METTL8: variants seen among roughly 807,000 people sequenced by gnomAD.
METTL8 encodes the protein tRNA N(3)-cytidine methyltransferase METTL8, mitochondrial.
A neutral mutation model predicts 48.7 loss-of-function variants in METTL8; 32 were observed. The ratio of observed to expected loss-of-function variants is 0.66; its 90% CI spans 0.50 to 0.88. The LOEUF is 0.88. Among genes scored for constraint, METTL8 ranks in the 40% least tolerant of loss-of-function variants. The pLI, the probability that METTL8 is intolerant of heterozygous loss-of-function variation, is 0.00. For missense variants in METTL8, 464 were observed against 474.4 expected (o/e 0.98, Z 0.20); for synonymous variants, 136 against 157.1 (o/e 0.87, Z 1.01).
Position 171,392,233 on chromosome 2 carries a change from A to T in METTL8, c.-12-36T>A, listed in dbSNP as rs1228241477. 2.0e-6 allele frequency: 3 copies of T among 1,521,276 alleles called. No homozygotes were observed. The South Asian group carries it at 3.6e-5, about 18-fold the overall frequency. 94.2% of individuals were successfully genotyped at this position (1,521,276 alleles called of 1,614,324 possible). A position where few individuals can be genotyped will look rare whatever the true frequency, so the allele number is the denominator to read the frequency against. On this transcript the variant is annotated intron_variant, in intron 1 of 9. Coordinates refer to ENST00000375258, the MANE Select transcript of METTL8 (RefSeq NM_001321154.2). ...ACAAATGATTAATTAGTCAACATAG[A>T]TTAAACAGTGTATTGTTTATCTAAT...
chr2:171,339,326 T>C lies in METTL8; in HGVS notation c.464A>G (p.His155Arg). Reference protein sequence around the residue: ...HCPTVPDEKNHYEKSSGSSEG... With the variant: ...HCPTVPDEKNRYEKSSGSSEG... ...TGAAGAACCAGAACTTTTCTCATAA[T>C]GATTTTTTTCATCAGGCACAGTAGG... Residue 155 changes from histidine (H) to arginine (R), a missense_variant, in exon 4 of 10, where the codon CAT becomes CGT. Physicochemically the swap from His to Arg is conservative, Grantham distance 29 (BLOSUM62 0). Coordinates refer to ENST00000375258, the MANE Select transcript of METTL8 (RefSeq NM_001321154.2). 1.9e-6 allele frequency: 3 copies of C among 1,612,964 alleles called. No homozygotes were observed. The highest frequency in any genetic ancestry group is 1.3e-5 in the African/African-American group (1 of 75,018).
Position 171,317,374 on chromosome 2 carries a change from G to A in METTL8, c.*6798C>T, listed in dbSNP as rs1397941378. 1 of 152,184 alleles carries A rather than the reference G, an allele frequency of 6.6e-6. No homozygotes were observed. The highest frequency in any genetic ancestry group is 1.5e-5 in the Non-Finnish European group (1 of 68,026). 9.4% of individuals were successfully genotyped at this position (152,184 alleles called of 1,614,324 possible). ...CATTTTTCTGGACCAAACCTCATCAGCCCAACTAGGAAAGACGATGCTGGA... is the reference window on the plus strand; with the variant it reads ...CATTTTTCTGGACCAAACCTCATCAACCCAACTAGGAAAGACGATGCTGGA... On this transcript the variant is annotated 3_prime_UTR_variant, in exon 10 of 10. Coordinates refer to ENST00000375258, the MANE Select transcript of METTL8 (RefSeq NM_001321154.2).
intron 1 of METTL8, among the ~76,000 whole-genome samples, chr2:171,432,180 C>T (rs1167394727): frequency 6.6e-6 from 1 of 152,074 alleles, no homozygotes; most frequent in Non-Finnish European, 1.5e-5. Flanking sequence ...CGAGCAAGGC[C>T]TGGGTAGGTC....
intron 1 of METTL8, among the ~76,000 whole-genome samples, chr2:171,404,823 C>T (rs956763878): frequency 4.6e-5 from 7 of 152,096 alleles, no homozygotes; most frequent in African/African-American, 1.7e-4. Flanking sequence ...GAGAACCACT[C>T]AGATACAGAA....
upstream of METTL8, chr2:171,434,060 C>T (rs1693528508): frequency 3.4e-6 from 1 of 294,668 alleles, no homozygotes; most frequent in Non-Finnish European, 6.6e-6. Flanking sequence ...GAGGCGGCAG[C>T]ACCGCGCCCC....
intron 1 of METTL8, among the ~76,000 whole-genome samples, chr2:171,396,636 G>A (rs1029226474): frequency 1.3e-5 from 2 of 152,080 alleles, no homozygotes; most frequent in Non-Finnish European, 2.9e-5. Context: ...ATTTCCAAAT[G>A]TTAAGGAATT....
chr2:171,329,993 C>G (rs1685350819), intron 7 of METTL8, among the ~76,000 whole-genome samples: 2 of 152,184 alleles, frequency 1.3e-5, no homozygotes, highest in African/African-American at 4.8e-5. Context: ...AGTTTTAAAA[C>G]ACTGTATGAA....
chr2:171,377,583 T>C (rs1415050951), intron 2 of METTL8, among the ~76,000 whole-genome samples: 3 of 152,028 alleles, frequency 2.0e-5, no homozygotes, highest in East Asian at 1.9e-4. Context: ...AGGACATGAA[T>C]AGGCAATTCT....
At chr2:171,381,444 G>T (rs1158246351) in intron 2 of METTL8, among the ~76,000 whole-genome samples, 1 of 152,096 alleles carries the variant, frequency 6.6e-6, no homozygotes, top group Non-Finnish European at 1.5e-5. Flanking sequence ...CACAGCCAAA[G>T]AAATTAGCAT....
At chr2:171,358,353 G>GAAA (rs750007486) in intron 3 of METTL8, among the ~76,000 whole-genome samples, 4 of 57,070 alleles carry the variant, frequency 7.0e-5, no homozygotes. Flanking sequence ...TCCGTCTCCA[G>GAAA]AAAAAAAAAA....
chr2:171,417,545 T>C (rs1691437864), intron 1 of METTL8, among the ~76,000 whole-genome samples: 1 of 152,194 alleles, frequency 6.6e-6, no homozygotes, highest in Non-Finnish European at 1.5e-5. Flanking sequence ...ACAGAGAAGT[T>C]AAGTAGTTCT....
chr2:171,317,593 T>C lies in METTL8; in HGVS notation c.*6579A>G, dbSNP rs1684321281. 6.6e-6 allele frequency: 1 copy of C among 152,230 alleles called. No individual in the cohort carries two copies. The highest frequency in any genetic ancestry group is 2.4e-5 in the African/African-American group (1 of 41,448). The allele number at this position is 152,230 out of a possible 1,614,324, so 9.4% of individuals were successfully genotyped here. A position where few individuals can be genotyped will look rare whatever the true frequency, so the allele number is the denominator to read the frequency against. On this transcript the variant is annotated 3_prime_UTR_variant, in exon 10 of 10. Coordinates refer to ENST00000375258, the MANE Select transcript of METTL8 (RefSeq NM_001321154.2). ...GAAGTCTATGTGCTCAAGTATTGCT[T>C]TTTTTCCCTCTTTATGTAACGTTAA... is the stretch of plus-strand genomic sequence containing the variant.
In METTL8 at chr2:171,330,707, A is replaced by G; in HGVS notation, c.721-9T>C. 1.3e-6 allele frequency: 2 copies of G among 1,599,432 alleles called. No individual in the cohort carries two copies. The highest frequency in any genetic ancestry group is 1.7e-6 in the Non-Finnish European group (2 of 1,175,560). On this transcript the variant is annotated splice_polypyrimidine_tract_variant and intron_variant, in intron 6 of 9. Transcript: ENST00000375258. ...CTGTAGGACGAGTGTGACTGTCATG[A>G]TAAAGGAACAGAAAGCAAAAAGAGG...
chr2:171,326,251 C>A, intron 7 of METTL8, 103 bp from the exon 8 acceptor site: 7 of 632,868 alleles, frequency 1.1e-5, no homozygotes, highest in South Asian at 2.2e-5. Context: ...CTTGATAAGG[C>A]CAAAGAAATC....
At chr2:171,367,316 C>T (rs1685829023) in intron 2 of METTL8, among the ~76,000 whole-genome samples, 1 of 152,048 alleles carries the variant, frequency 6.6e-6, no homozygotes, top group Non-Finnish European at 1.5e-5. Flanking sequence ...ATGCAAACTA[C>T]AGCTGATTTC....
chr2:171,344,885 T>C (rs1485989159), intron 3 of METTL8, among the ~76,000 whole-genome samples: 1 of 152,206 alleles, frequency 6.6e-6, no homozygotes, highest in African/African-American at 2.4e-5. Flanking sequence ...TGCAAGAGTA[T>C]CTGTGTTAAC....
At chr2:171,419,828 AT>A (rs917959222) in intron 1 of METTL8, among the ~76,000 whole-genome samples, 7 of 152,060 alleles carry the variant, frequency 4.6e-5, no homozygotes, top group African/African-American at 1.7e-4. Context: ...ACCCACCATT[AT>A]AGTCTCAGAC....
intron 1 of METTL8, among the ~76,000 whole-genome samples, chr2:171,426,524 T>C (rs536528713): frequency 1.3e-5 from 2 of 152,362 alleles, no homozygotes; most frequent in East Asian, 1.9e-4. Flanking sequence ...ATTTGTATAT[T>C]ATGCTATGAT....
At chr2:171,400,746 A>T (rs1230881832) in intron 1 of METTL8, among the ~76,000 whole-genome samples, 4 of 152,136 alleles carry the variant, frequency 2.6e-5, no homozygotes, top group Non-Finnish European at 4.4e-5. Context: ...ACGGCTTCTT[A>T]GTTCCATTGC....
Sources: allele counts gnomAD v4.1 joint callset (sites outside exome capture counted in the v4.1 genomes callset), GRCh38; gene constraint gnomAD v4.1.1; transcripts MANE v1.5; gene names NCBI Gene and HGNC (gene_info 2026-07-23, HGNC 2026-07-21).